The following KCNT2 variants were observed in gnomAD, a reference collection of about 807,000 sequenced individuals.
KCNT2 encodes potassium channel subfamily T member 2.
KCNT2 carries 67 observed loss-of-function variants against 153.8 expected under a neutral mutation model. That is an observed-to-expected ratio of 0.44 (90% confidence interval 0.36 to 0.53). The LOEUF (loss-of-function observed/expected upper bound fraction) is 0.53. KCNT2 is among the 20% of genes least tolerant of loss of function. The pLI is 0.00. For missense variants in KCNT2, 975 were observed against 1,354.8 expected, an observed-to-expected ratio of 0.72 and a Z score of 4.40; for synonymous variants, 500 against 458.8, an observed-to-expected ratio of 1.09 and a Z score of -1.15.
rs1011510811 is a variant in KCNT2, at chr1:196,333,362, C to A, written c.1997+485G>T. On this transcript the variant is annotated intron_variant, in intron 17 of 27. Coordinates refer to ENST00000294725, the MANE Select transcript of KCNT2 (RefSeq NM_198503.5). ...GGAAACAGTACTCCTTTTATTCATACATTTAAAATAATTAATGAATAGTGT... is the reference window on the plus strand; with the variant it reads ...GGAAACAGTACTCCTTTTATTCATAAATTTAAAATAATTAATGAATAGTGT... 6.0e-4 allele frequency among the ~76,000 whole-genome samples: 91 copies of A among 152,138 alleles called. 1 individual carries two copies. The highest frequency in any genetic ancestry group is 2.1e-3 in the African/African-American group (87 of 41,530).
At position 196,340,593 on chromosome 1, in the gene KCNT2, T is replaced by C. The variant is rs562250813; in HGVS notation, c.1554-23A>G. 1,548 of 1,404,790 alleles carry C rather than the reference T, an allele frequency of 1.1e-3. 30 individuals carry two copies. In the South Asian group the frequency reaches 0.02, roughly 18 times the overall value. The allele number at this position is 1,404,790 out of a possible 1,614,324, so 87.0% of individuals were successfully genotyped here. A position where few individuals can be genotyped will look rare whatever the true frequency, so the allele number is the denominator to read the frequency against. ...AACCTTAATTTAAAAAAAAAGAGAG[T>C]TTGTAAGAAAATTAGTAAATTATTG... On this transcript the variant is annotated intron_variant, in intron 15 of 27. Transcript: ENST00000294725.
chr1:196,294,929 A>C (rs1660544816), intron 22 of KCNT2, among the ~76,000 whole-genome samples: 1 of 151,858 alleles, frequency 6.6e-6, no homozygotes, highest in Non-Finnish European at 1.5e-5. Context: ...GTTGATCAAA[A>C]GAGTGCAACG....
At chr1:196,273,950 A>G (rs1055286041) in intron 25 of KCNT2, among the ~76,000 whole-genome samples, 2 of 151,692 alleles carry the variant, frequency 1.3e-5, no homozygotes, top group Admixed American at 6.6e-5. Context: ...AAATAAAATA[A>G]TTGGTAGTAG....
At chr1:196,412,136 A>C (rs1217505435) in intron 12 of KCNT2, among the ~76,000 whole-genome samples, 1 of 151,768 alleles carries the variant, frequency 6.6e-6, no homozygotes, top group Admixed American at 6.6e-5. Context: ...ATTTTTAATT[A>C]GTGATTCAAT....
rs536493443 is a variant in KCNT2, at chr1:196,439,154, C to T, written c.639-9397G>A. 3.3e-5 allele frequency among the ~76,000 whole-genome samples: 5 copies of T among 151,802 alleles called. No homozygotes were observed. In the South Asian group the frequency reaches 6.2e-4, roughly 19 times the overall value. ...AATTCACATAGTAATTTCTGCCTTA[C>T]CGTGATTTAGTTTTATATGAATGTC... On this transcript the variant is annotated intron_variant, in intron 8 of 27. Transcript: ENST00000294725.
Position 196,545,448 on chromosome 1 carries a change from G to A in KCNT2, c.96-53107C>T, listed in dbSNP as rs746586776. The stretch of plus-strand genomic sequence containing the variant: ...GACTGAGCAGAAGACATGACCTTGA[G>A]GAAACAGGATCAGGCTGGAGAGGTT... On this transcript the variant is annotated intron_variant, in intron 1 of 27. Transcript: ENST00000294725. Among the ~76,000 whole-genome samples the A allele has an allele frequency of 3.5e-4, 53 of 151,980 alleles. 1 individual carries two copies. Among genetic ancestry groups the A allele is most frequent in the Non-Finnish European group, 1.2e-4 (8 of 67,976 alleles).
intron 13 of KCNT2, among the ~76,000 whole-genome samples, chr1:196,379,728 T>A (rs963479860): frequency 3.9e-5 from 6 of 152,164 alleles, no homozygotes; most frequent in African/African-American, 1.4e-4. Flanking sequence ...TCACTATTGC[T>A]TGTTAAGACA....
intron 26 of KCNT2, among the ~76,000 whole-genome samples, chr1:196,249,296 A>C (rs1655740219): frequency 6.6e-6 from 1 of 152,168 alleles, no homozygotes; most frequent in East Asian, 1.9e-4. Flanking sequence ...TGGAAGGTGT[A>C]TATAGAATAG....
At chr1:196,343,046 G>C (rs1665817952) in intron 14 of KCNT2, 1 of 152,086 alleles carries the variant, frequency 6.6e-6, no homozygotes, top group South Asian at 2.1e-4. Context: ...ACTCAGAAGG[G>C]GGCCCTCACC....
chr1:196,500,098 T>A (rs778034005), intron 1 of KCNT2, among the ~76,000 whole-genome samples: 4 of 150,514 alleles, frequency 2.7e-5, no homozygotes, highest in African/African-American at 4.9e-5. Flanking sequence ...GAGCTGAGAT[T>A]GCACAACTGC....
rs1323466357 is a variant in KCNT2 at position 196,442,199 on chromosome 1, A to C, written c.639-12442T>G. 3.3e-5 allele frequency among the ~76,000 whole-genome samples: 5 copies of C among 151,952 alleles called. No individual in the cohort carries two copies. The East Asian group carries it at 9.7e-4, about 30-fold the overall frequency. On this transcript the variant is annotated intron_variant, in intron 8 of 27. Transcript: ENST00000294725. ...ATTTTCACGTTTTTAGAACAAAATC[A>C]CATAAGACAGTAAATAAAGGCAACC...
intron 8 of KCNT2, among the ~76,000 whole-genome samples, chr1:196,451,908 C>T (rs1302211535): frequency 6.6e-6 from 1 of 151,918 alleles, no homozygotes. Flanking sequence ...TTTTGGAATG[C>T]TATTACACTT....
intron 17 of KCNT2, among the ~76,000 whole-genome samples, chr1:196,333,458 T>A (rs1279529743): frequency 6.6e-6 from 1 of 152,132 alleles, no homozygotes; most frequent in East Asian, 1.9e-4. Context: ...TTTCATTGAA[T>A]AATTGATTGA....
chr1:196,397,450 T>C (rs1304127377), intron 13 of KCNT2, among the ~76,000 whole-genome samples: 1 of 151,502 alleles, frequency 6.6e-6, no homozygotes, highest in Non-Finnish European at 1.5e-5. Flanking sequence ...GCACTGTTAT[T>C]TTTAAATTTC....
At chr1:196,235,918 A>G (rs887954552) in intron 27 of KCNT2, 68 bp downstream of exon 27, 5 of 969,660 alleles carry the variant, frequency 5.2e-6, no homozygotes, top group African/African-American at 4.9e-5. Context: ...TGGCCTAAAT[A>G]TAAGTACAAA....
intron 22 of KCNT2, among the ~76,000 whole-genome samples, chr1:196,294,568 C>T (rs1660508797): frequency 6.6e-6 from 1 of 151,996 alleles, no homozygotes; most frequent in Admixed American, 6.6e-5. Context: ...GCCACTGCGC[C>T]CGGCCAAGAC....
At chr1:196,364,575 T>TA (rs1667887616) in intron 14 of KCNT2, among the ~76,000 whole-genome samples, 1 of 152,138 alleles carries the variant, frequency 6.6e-6, no homozygotes, top group East Asian at 1.9e-4. Flanking sequence ...AAAATTCCCT[T>TA]AAGCTTAAAT....
intron 1 of KCNT2, among the ~76,000 whole-genome samples, chr1:196,512,852 T>G (rs1424742724): frequency 6.6e-6 from 1 of 152,174 alleles, no homozygotes; most frequent in African/African-American, 2.4e-5. Flanking sequence ...TTGAAAGTAC[T>G]GTGATGTGCA....
intron 1 of KCNT2, among the ~76,000 whole-genome samples, chr1:196,509,364 T>A (rs1681421843): frequency 6.6e-6 from 1 of 151,642 alleles, no homozygotes; most frequent in Non-Finnish European, 1.5e-5. Context: ...AGGGATAACT[T>A]GTGGCATATT....
Sources: gnomAD v4.1 joint callset for allele counts (sites outside exome capture counted in the v4.1 genomes callset) on GRCh38, gnomAD v4.1.1 for gene constraint, MANE v1.5 for transcripts, NCBI Gene and HGNC (gene_info 2026-07-23, HGNC 2026-07-21) for gene names.